WWOX: variants seen among roughly 807,000 people sequenced by gnomAD.
The protein encoded by WWOX is WW domain containing oxidoreductase, also known as WW domain-containing oxidoreductase.
In WWOX, 69 loss-of-function variants were observed where a neutral mutation model predicts 46.2. The ratio of observed to expected loss-of-function variants is 1.49; its 90% CI spans 1.23 to 1.82. WWOX has a LOEUF of 1.82. WWOX is among the 40% of genes most tolerant of loss of function. The pLI is 0.00. For synonymous variants in WWOX, 359 were observed against 202.6 expected (o/e 1.77, Z -6.56); for missense variants, 919 against 542.6 (o/e 1.69, Z -6.89).
chr16:78,633,216 C>T (rs144390579), intron 8 of WWOX, among the ~76,000 whole-genome samples: 14 of 151,986 alleles, frequency 9.2e-5, no homozygotes, highest in Non-Finnish European at 1.8e-4. Flanking sequence ...GAGCTGAGAT[C>T]GTGCCACTGC....
intron 7 of WWOX, among the ~76,000 whole-genome samples, chr16:78,425,926 G>A (rs560299376): frequency 6.6e-6 from 1 of 152,054 alleles, no homozygotes; most frequent in African/African-American, 2.4e-5. Context: ...CCAGAATGAA[G>A]CTTATTTTTT....
chr16:78,328,882 C>T (rs11863566), intron 5 of WWOX, among the ~76,000 whole-genome samples: 3,816 of 151,396 alleles, frequency 0.025, 181 homozygotes, highest in African/African-American at 0.088. Context: ...CTTTTCTTTT[C>T]TAACAGTCTT....
At chr16:78,301,984 A>G (rs1597457967) in intron 5 of WWOX, among the ~76,000 whole-genome samples, 1 of 150,640 alleles carries the variant, frequency 6.6e-6, no homozygotes, top group South Asian at 2.1e-4. Flanking sequence ...TTTTTGAGAC[A>G]GGGTCTCACT....
intron 5 of WWOX, among the ~76,000 whole-genome samples, chr16:78,315,656 A>G (rs2080343244): frequency 6.6e-6 from 1 of 152,172 alleles, no homozygotes; most frequent in Admixed American, 6.5e-5. Flanking sequence ...TCAAAAAAGA[A>G]TAAAAATGAA....
At chr16:79,180,221 G>C (rs1242413456) in intron 8 of WWOX, among the ~76,000 whole-genome samples, 7 of 152,170 alleles carry the variant, frequency 4.6e-5, no homozygotes, top group African/African-American at 1.7e-4. Flanking sequence ...AGAGAGATCA[G>C]TAATTTATAG....
intron 8 of WWOX, among the ~76,000 whole-genome samples, chr16:78,722,546 C>G (rs753504848): frequency 6.6e-6 from 1 of 152,034 alleles, no homozygotes; most frequent in African/African-American, 2.4e-5. Flanking sequence ...AGTAAGAGTA[C>G]AAAGCGAGGA....
intron 5 of WWOX, among the ~76,000 whole-genome samples, chr16:78,225,479 G>A (rs754152970): frequency 6.6e-6 from 1 of 152,116 alleles, no homozygotes; most frequent in Non-Finnish European, 1.5e-5. Context: ...CTATCAGCCT[G>A]TCTTCTATGA....
At chr16:78,425,182 G>C (rs1567565601) in intron 7 of WWOX, 127 bp downstream of exon 7, 7 of 1,300,898 alleles carry the variant, frequency 5.4e-6, no homozygotes, top group East Asian at 2.4e-5. Flanking sequence ...ACTCAGCTTG[G>C]CTCACTTAAT....
At position 79,212,191 on chromosome 16, in the gene WWOX, C is replaced by A; in HGVS notation, c.*395C>A. 6.8e-7 allele frequency: 1 copy of A among 1,463,186 alleles called. No homozygotes were observed. Among genetic ancestry groups the A allele is most frequent in the Non-Finnish European group, 9.0e-7 (1 of 1,115,238 alleles). 90.6% of individuals were successfully genotyped at this position (1,463,186 alleles called of 1,614,324 possible). Reference sequence around the variant, plus strand: ...GCCACCACTGCAGCCGGGGGCTGGCCTTCTCCTACTTAGGGAAGAAAAAGC... The same window carrying A: ...GCCACCACTGCAGCCGGGGGCTGGCATTCTCCTACTTAGGGAAGAAAAAGC... On this transcript the variant is annotated 3_prime_UTR_variant, in exon 9 of 9. Coordinates refer to ENST00000566780, the MANE Select transcript of WWOX (RefSeq NM_016373.4).
At chr16:78,731,698 T>A (rs2048972198) in intron 8 of WWOX, among the ~76,000 whole-genome samples, 1 of 152,150 alleles carries the variant, frequency 6.6e-6, no homozygotes, top group Non-Finnish European at 1.5e-5. Flanking sequence ...CATTATTGAC[T>A]GGAAAGCCTG....
chr16:79,140,490 C>T (rs899422345), intron 8 of WWOX, among the ~76,000 whole-genome samples: 2 of 152,198 alleles, frequency 1.3e-5, no homozygotes, highest in African/African-American at 4.8e-5. Context: ...TTTTGGAGTT[C>T]AGTAGATTCC....
intron 8 of WWOX, among the ~76,000 whole-genome samples, chr16:78,819,722 T>A (rs2051440904): frequency 2.6e-5 from 4 of 152,204 alleles, no homozygotes; most frequent in Non-Finnish European, 4.4e-5. Flanking sequence ...TAAGCCGCAA[T>A]TCTGGGGTTC....
rs10691593 is a variant in WWOX, at chr16:78,937,601, CTTTATTTA to C, written c.1057-273973_1057-273966del. On this transcript the variant is annotated intron_variant, in intron 8 of 8. Transcript: ENST00000566780. The stretch of plus-strand genomic sequence containing the variant: ...TCTGCCACCGTGCCCAGCTATAGAG[CTTTATTTA>C]TTTATTTATTTATTTATTTATTTAT... Among the ~76,000 whole-genome samples the C allele has an allele frequency of 9.8e-3, 1,396 of 142,564 alleles. 41 individuals are homozygous for C. Among genetic ancestry groups the C allele is most frequent in the East Asian group, 0.096 (467 of 4,862 alleles). The allele number at this position is 142,564 out of a possible 152,430, so 93.5% of individuals were successfully genotyped here.
At chr16:78,534,877 C>G (rs566553732) in intron 8 of WWOX, among the ~76,000 whole-genome samples, 32 of 152,050 alleles carry the variant, frequency 2.1e-4, no homozygotes, top group African/African-American at 7.5e-4. Context: ...TCATGCCTGG[C>G]TAATTTTTTG....
At chr16:78,234,248 A>T (rs55917160) in intron 5 of WWOX, among the ~76,000 whole-genome samples, 17,543 of 152,218 alleles carry the variant, frequency 0.12, 1,215 homozygotes, top group Non-Finnish European at 0.15. Flanking sequence ...AAAATGCTCT[A>T]ATCCCTAAAT....
Position 78,691,216 on chromosome 16 carries a change from T to C in WWOX, c.1056+258464T>C, listed in dbSNP as rs555900510. ...TAGGTCCAGCGCCTAGAATTTTAGC[T>C]ATGCTTCTCTTGTTTGTGATTCCAG... On this transcript the variant is annotated intron_variant, in intron 8 of 8. Coordinates refer to ENST00000566780, the MANE Select transcript of WWOX (RefSeq NM_016373.4). 5.7e-6 allele frequency: 4 copies of C among 702,138 alleles called. 1 individual carries two copies. In the Admixed American group the frequency reaches 8.0e-5, roughly 14 times the overall value. The allele number at this position is 702,138 out of a possible 1,614,324, so 43.5% of individuals were successfully genotyped here. A position where few individuals can be genotyped will look rare whatever the true frequency, so the allele number is the denominator to read the frequency against.
At chr16:78,507,206 C>G (rs369093876) in intron 8 of WWOX, among the ~76,000 whole-genome samples, 1 of 152,122 alleles carries the variant, frequency 6.6e-6, no homozygotes, top group Admixed American at 6.5e-5. Context: ...TTTCTGTGTG[C>G]TGACTATATT....
At chr16:79,146,589 T>G (rs1007078932) in intron 8 of WWOX, among the ~76,000 whole-genome samples, 6 of 152,166 alleles carry the variant, frequency 3.9e-5, no homozygotes, top group Non-Finnish European at 8.8e-5. Flanking sequence ...ATAAGGATAA[T>G]AACAGCCATT....
At chr16:78,336,988 C>T (rs1236364036) in intron 5 of WWOX, among the ~76,000 whole-genome samples, 1 of 151,982 alleles carries the variant, frequency 6.6e-6, no homozygotes, top group Admixed American at 6.6e-5. Flanking sequence ...AGCATGTTGG[C>T]CAGGCTGGTC....
Sources: allele counts gnomAD v4.1 joint callset (sites outside exome capture counted in the v4.1 genomes callset), GRCh38; gene constraint gnomAD v4.1.1; transcripts MANE v1.5; gene names NCBI Gene and HGNC (gene_info 2026-07-23, HGNC 2026-07-21).